The following RNF213 variants were observed in gnomAD, a reference collection of about 807,000 sequenced individuals.
The protein encoded by RNF213 is ring finger protein 213, also known as E3 ubiquitin-protein ligase RNF213.
A neutral mutation model predicts 514.4 loss-of-function variants in RNF213; 341 were observed. The ratio of observed to expected loss-of-function variants is 0.66; its 90% CI spans 0.61 to 0.73. The LOEUF is 0.73. RNF213 is among the 30% of genes least tolerant of loss of function. The probability of loss-of-function intolerance (pLI) is 0.00; values close to 1 mark genes in which losing one functional copy is unlikely to be tolerated. For missense variants in RNF213, 5,767 were observed against 6,615.6 expected, an observed-to-expected ratio of 0.87 and a Z score of 4.45; for synonymous variants, 2,655 against 2,658.2, an observed-to-expected ratio of 1.00 and a Z score of 0.04.
intron 41 of RNF213, among the ~76,000 whole-genome samples, chr17:80,364,136 C>T (rs1394311443): frequency 6.6e-6 from 1 of 152,164 alleles, no homozygotes; most frequent in African/African-American, 2.4e-5. Flanking sequence ...GGCCAGAGTC[C>T]ACTTCCCTAA....
chr17:80,317,117 T>C lies in RNF213; in HGVS notation c.2812-71T>C. The C allele has an allele frequency of 4.0e-6, 6 of 1,505,392 alleles. No individual in the cohort carries two copies. In the South Asian group the frequency reaches 7.1e-5, roughly 18 times the overall value. 93.3% of individuals were successfully genotyped at this position (1,505,392 alleles called of 1,614,324 possible). ...CTGTATTGCCGTAATGCTCTGTCTT[T>C]CTCCTTTCATGGGAGTGTGCCGTGG... On this transcript the variant is annotated intron_variant, in intron 15 of 67. Coordinates refer to ENST00000582970, the MANE Select transcript of RNF213 (RefSeq NM_001256071.3). This position sits in a 1 kb window ranked among gnomAD's most constrained non-coding sequence, Gnocchi z 4.1.
At chr17:80,289,210 G>A (rs937303641) in intron 5 of RNF213, among the ~76,000 whole-genome samples, 11 of 152,206 alleles carry the variant, frequency 7.2e-5, no homozygotes, top group African/African-American at 2.7e-4. Context: ...GCTGTGATTA[G>A]TGGCCCCAGC....
Position 80,290,687 on chromosome 17 carries a change from G to A in RNF213, c.1230G>A (p.Glu410=), listed in dbSNP as rs765465822. 6.2e-7 allele frequency: 1 copy of A among 1,614,232 alleles called. No individual in the cohort carries two copies. The highest frequency in any genetic ancestry group is 2.2e-5 in the East Asian group (1 of 44,892). ...VFIRGGEEFG[E]SKWDSNICEL... ...TCAGAGGAGGAGAAGAATTTGGGGAGTCAAAATGGGACAGCAATATCTGTG... is the reference window on the plus strand; with the variant it reads ...TCAGAGGAGGAGAAGAATTTGGGGAATCAAAATGGGACAGCAATATCTGTG... The change falls in exon 7 of 68, where the codon GAG becomes GAA. Residue 410 remains glutamate (E), a synonymous_variant. Transcript: ENST00000582970.
chr17:80,350,465 T>C (rs2078468058), intron 31 of RNF213, 69 bp downstream of exon 31: 3 of 989,706 alleles, frequency 3.0e-6, no homozygotes, highest in Admixed American at 1.8e-5. Flanking sequence ...TAGAGAATTT[T>C]TTCCTTGAAG....
intron 50 of RNF213, 60 bp downstream of exon 50, chr17:80,374,649 T>G (rs768367524): frequency 1.3e-6 from 2 of 1,592,910 alleles, no homozygotes; most frequent in Non-Finnish European, 1.7e-6. Flanking sequence ...GCCTGCATGT[T>G]CCCTGGTTTA....
intron 3 of RNF213, among the ~76,000 whole-genome samples, chr17:80,282,044 A>G (rs1248630535): frequency 6.6e-6 from 1 of 151,650 alleles, no homozygotes; most frequent in East Asian, 1.9e-4. Flanking sequence ...TTTAGTAGAG[A>G]TGGGGTTTTG....
chr17:80,288,565 T>C lies in RNF213; in HGVS notation c.811-68T>C. 6.2e-7 allele frequency: 1 copy of C among 1,613,686 alleles called. No individual in the cohort carries two copies. Among genetic ancestry groups the C allele is most frequent in the Non-Finnish European group, 8.5e-7 (1 of 1,179,958 alleles). Reference sequence around the variant, plus strand: ...TCGGCTTGTGGCAGATGCTGCCCCTTAAACCATTGAGTCGGAGTCACCCTG... The same window carrying C: ...TCGGCTTGTGGCAGATGCTGCCCCTCAAACCATTGAGTCGGAGTCACCCTG... On this transcript the variant is annotated intron_variant, in intron 4 of 67. Coordinates refer to ENST00000582970, the MANE Select transcript of RNF213 (RefSeq NM_001256071.3). The surrounding 1 kb of genome is among the most constrained non-coding windows in gnomAD (Gnocchi z 4.9).
chr17:80,373,244 C>G, intron 49 of RNF213, 79 bp downstream of exon 49: 1 of 1,218,058 alleles, frequency 8.2e-7, no homozygotes, highest in Non-Finnish European at 1.1e-6. Context: ...CCCCCCTACC[C>G]TCACACCCTA....
At chr17:80,379,059 G>A (rs1186749165) in intron 54 of RNF213, among the ~76,000 whole-genome samples, 2 of 145,114 alleles carry the variant, frequency 1.4e-5, no homozygotes, top group African/African-American at 2.9e-5. Flanking sequence ...GCGTGCATGC[G>A]TGCATGCGTG....
At position 80,307,070 on chromosome 17, in the gene RNF213, T is replaced by C. The variant is rs1329388276; in HGVS notation, c.2428-58T>C. 3 of 1,541,218 alleles carry C rather than the reference T, an allele frequency of 1.9e-6. No individual in the cohort carries two copies. The African/African-American group carries it at 4.1e-5, about 21-fold the overall frequency. On this transcript the variant is annotated intron_variant, in intron 12 of 67. Transcript: ENST00000582970. ...ATTTTTTTCAGCTCTGTTTTAGCAA[T>C]GACAGTGGCATTGTGATTCAATCTT...
chr17:80,392,590 C>T (rs1214147568), intron 67 of RNF213, among the ~76,000 whole-genome samples: 2 of 121,964 alleles, frequency 1.6e-5, no homozygotes, highest in African/African-American at 6.8e-5. Context: ...TTAAACTGCT[C>T]CTCAGGATTT....
At chr17:80,336,495 T>A in intron 23 of RNF213, 117 bp downstream of exon 23, 2 of 859,414 alleles carry the variant, frequency 2.3e-6, no homozygotes. Context: ...TACACAGCCG[T>A]TTTCAATGAT....
At chr17:80,380,680 C>G (rs2079958136) in intron 55 of RNF213, 151 bp from the exon 56 acceptor site, 8 of 934,446 alleles carry the variant, frequency 8.6e-6, no homozygotes, top group Non-Finnish European at 1.3e-5. Flanking sequence ...GAGAGAGACT[C>G]TTAGGAACAT....
intron 1 of RNF213, among the ~76,000 whole-genome samples, chr17:80,262,113 C>T (rs1023231295): frequency 2.0e-5 from 3 of 152,008 alleles, no homozygotes; most frequent in East Asian, 1.9e-4. Flanking sequence ...GAGGCCTGGG[C>T]GGTGGGGAGT....
At position 80,353,696 on chromosome 17, in the gene RNF213, G is replaced by T; in HGVS notation, c.10578+30G>T. The stretch of plus-strand genomic sequence containing the variant: ...GTTCTGGTTCTTGGGACCTCCCCTT[G>T]TGCTGCTGGTGATGCTTCTGAGCTG... On this transcript the variant is annotated intron_variant, in intron 34 of 67. Transcript: ENST00000582970. This position sits in a 1 kb window ranked among gnomAD's most constrained non-coding sequence, Gnocchi z 5.0. 1 of 1,614,054 alleles carries T rather than the reference G, an allele frequency of 6.2e-7. No individual in the cohort carries two copies. Among genetic ancestry groups the T allele is most frequent in the Non-Finnish European group, 8.5e-7 (1 of 1,179,884 alleles).
chr17:80,285,026 G>T (rs1842915069), intron 3 of RNF213, among the ~76,000 whole-genome samples: 2 of 152,208 alleles, frequency 1.3e-5, no homozygotes, highest in African/African-American at 4.8e-5. Context: ...ATAACAGGGA[G>T]AGCCAAGGGA....
chr17:80,344,638 GTCT>G, intron 28 of RNF213, 37 bp from the exon 29 acceptor site: 1 of 1,612,064 alleles, frequency 6.2e-7, no homozygotes, highest in East Asian at 2.2e-5. Context: ...TTCTTAGAAA[GTCT>G]TCTTGTAACC....
chr17:80,355,840 A>C lies in RNF213; in HGVS notation c.10862+1264A>C, dbSNP rs192973062. On this transcript the variant is annotated intron_variant, in intron 36 of 67. Transcript: ENST00000582970. ...GCTTACAGGAGAAGAAGCGGGGTGA[A>C]CGGGAATGGGGACTTACAGACACCT... Among the ~76,000 whole-genome samples the C allele has an allele frequency of 2.9e-4, 43 of 149,318 alleles. 1 individual carries two copies. The highest frequency in any genetic ancestry group is 9.1e-4 in the African/African-American group (36 of 39,438).
rs529650334 is a variant in RNF213 at position 80,261,165 on chromosome 17, C to T, written c.-109+263C>T. Among the ~76,000 whole-genome samples the T allele has an allele frequency of 1.2e-4, 18 of 152,210 alleles. No homozygotes were observed. The South Asian group carries it at 3.5e-3, about 30-fold the overall frequency. Reference sequence around the variant, plus strand: ...GGCACGCCTGGGACCCCGGCGACATCCCCGGAGCGCAGAGCGCGGAGGAGG... The same window carrying T: ...GGCACGCCTGGGACCCCGGCGACATTCCCGGAGCGCAGAGCGCGGAGGAGG... On this transcript the variant is annotated intron_variant, in intron 1 of 67. Coordinates refer to ENST00000582970, the MANE Select transcript of RNF213 (RefSeq NM_001256071.3).
Sources: allele counts gnomAD v4.1 joint callset (sites outside exome capture counted in the v4.1 genomes callset), GRCh38; gene constraint gnomAD v4.1.1; non-coding constraint Gnocchi (gnomAD v3.1); transcripts MANE v1.5; gene names NCBI Gene and HGNC (gene_info 2026-07-23, HGNC 2026-07-21).